MRPL1: variants seen among roughly 807,000 people sequenced by gnomAD.
The protein encoded by MRPL1 is mitochondrial ribosomal protein L1, also known as large ribosomal subunit protein uL1m.
Under a neutral mutation model 38.0 loss-of-function variants are expected in MRPL1, and 28 were observed. The observed-to-expected ratio is 0.74, with a 90% CI of 0.55 to 1.01. The LOEUF is 1.01. MRPL1 is among the 50% of genes least tolerant of loss of function. The pLI is 0.00. For missense variants in MRPL1, 358 were observed against 389.8 expected (o/e 0.92, Z 0.69); for synonymous variants, 123 against 126.7 (o/e 0.97, Z 0.20).
intron 1 of MRPL1, among the ~76,000 whole-genome samples, chr4:77,870,025 T>C (rs1322525427): frequency 1.3e-5 from 2 of 152,152 alleles, no homozygotes; most frequent in East Asian, 3.9e-4. Context: ...CTCAGCTTCC[T>C]GAGTAGCTGG....
chr4:77,943,944 G>A (rs1227193307), intron 7 of MRPL1, among the ~76,000 whole-genome samples: 1 of 152,102 alleles, frequency 6.6e-6, no homozygotes, highest in Non-Finnish European at 1.5e-5. Context: ...GATCTTTTAG[G>A]GGGATGTTTA....
chr4:77,887,728 A>G (rs1220237767), intron 5 of MRPL1, among the ~76,000 whole-genome samples: 1 of 152,114 alleles, frequency 6.6e-6, no homozygotes, highest in Non-Finnish European at 1.5e-5. Flanking sequence ...TTTGTTGCCC[A>G]GGCTGGTCTT....
At chr4:77,878,329 A>T (rs1339222608) in intron 2 of MRPL1, among the ~76,000 whole-genome samples, 2 of 152,194 alleles carry the variant, frequency 1.3e-5, no homozygotes, top group Non-Finnish European at 2.9e-5. Flanking sequence ...AGCATCAGAG[A>T]TGTTAGTGAA....
intron 7 of MRPL1, 115 bp from the exon 8 acceptor site, chr4:77,949,682 G>T (rs958065994): frequency 2.9e-5 from 18 of 616,990 alleles, no homozygotes; most frequent in African/African-American, 2.3e-4. Flanking sequence ...CCCTTTCACA[G>T]TAGGGTCATT....
intron 2 of MRPL1, among the ~76,000 whole-genome samples, chr4:77,882,223 C>A (rs2110234522): frequency 1.3e-5 from 2 of 152,232 alleles, no homozygotes; most frequent in South Asian, 4.1e-4. Flanking sequence ...CTTATAATAG[C>A]TTCCTTCTTA....
At chr4:77,949,979 AAAT>A in intron 8 of MRPL1, 101 bp downstream of exon 8, 1 of 555,434 alleles carries the variant, frequency 1.8e-6, no homozygotes, top group South Asian at 3.2e-5. Context: ...TATAATAGCA[AAAT>A]GTAAAATATT....
chr4:77,893,444 A>C (rs1735847923), intron 5 of MRPL1, among the ~76,000 whole-genome samples: 1 of 152,196 alleles, frequency 6.6e-6, no homozygotes, highest in Non-Finnish European at 1.5e-5. Context: ...GAGTATATTA[A>C]GTAGAGTTTA....
chr4:77,868,880 TACCTTGGTA>T (rs1735214839), intron 1 of MRPL1, among the ~76,000 whole-genome samples: 2 of 152,148 alleles, frequency 1.3e-5, no homozygotes, highest in African/African-American at 4.8e-5. Context: ...GCTCGTGGAG[TACCTTGGTA>T]AAAATTTCCT....
At chr4:77,903,175 A>G (rs1169546044) in intron 6 of MRPL1, among the ~76,000 whole-genome samples, 1 of 152,220 alleles carries the variant, frequency 6.6e-6, no homozygotes, top group Non-Finnish European at 1.5e-5. Flanking sequence ...TTAACCAGTG[A>G]CATTTATTCC....
At chr4:77,899,775 GGAAGAAAGAAAAT>G (rs1484942198) in intron 6 of MRPL1, among the ~76,000 whole-genome samples, 42 of 152,180 alleles carry the variant, frequency 2.8e-4, no homozygotes, top group Admixed American at 8.5e-4. Flanking sequence ...GAAAGTGAAA[GGAAGAAAGAAAAT>G]GAAGAAAGAA....
chr4:77,880,133 CTA>C (rs1735503168), intron 2 of MRPL1, among the ~76,000 whole-genome samples: 1 of 152,170 alleles, frequency 6.6e-6, no homozygotes, highest in African/African-American at 2.4e-5. Context: ...AGGCTTAAAA[CTA>C]TACAAGTTTT....
intron 7 of MRPL1, among the ~76,000 whole-genome samples, chr4:77,925,350 T>A (rs1468879721): frequency 6.6e-6 from 1 of 151,526 alleles, no homozygotes; most frequent in African/African-American, 2.4e-5. Context: ...TTTTTTGTTT[T>A]TTGTTTTTTT....
intron 3 of MRPL1, among the ~76,000 whole-genome samples, chr4:77,884,764 T>C (rs1007141270): frequency 6.6e-6 from 1 of 152,218 alleles, no homozygotes; most frequent in African/African-American, 2.4e-5. Context: ...ATATTGTCTA[T>C]TGTTCAGCAT....
At chr4:77,925,195 C>T (rs1453369029) in intron 7 of MRPL1, among the ~76,000 whole-genome samples, 3 of 151,822 alleles carry the variant, frequency 2.0e-5, no homozygotes, top group Non-Finnish European at 4.4e-5. Context: ...GCATGCATAG[C>T]CTGAGGCTAG....
intron 7 of MRPL1, among the ~76,000 whole-genome samples, chr4:77,937,156 G>A (rs1039467): frequency 0.15 from 22,410 of 151,730 alleles, 1,893 homozygotes; most frequent in South Asian, 0.25. Context: ...GAATTTAGTG[G>A]GTATAAACAT....
intron 6 of MRPL1, among the ~76,000 whole-genome samples, chr4:77,898,702 C>CCCATTTG (rs1329833506): frequency 6.6e-6 from 1 of 152,046 alleles, no homozygotes; most frequent in African/African-American, 2.4e-5. Flanking sequence ...CCATGTTGGC[C>CCCATTTG]AGGCTGGTCT....
At position 77,885,344 on chromosome 4, in the gene MRPL1, G is replaced by A. The variant is rs1735650409; in HGVS notation, c.486+5G>A. The A allele has an allele frequency of 3.7e-6, 6 of 1,601,668 alleles. No individual in the cohort carries two copies. Among genetic ancestry groups the A allele is most frequent in the Non-Finnish European group, 5.1e-6 (6 of 1,168,988 alleles). On this transcript the variant is annotated splice_donor_5th_base_variant and intron_variant, in intron 4 of 8. Coordinates refer to ENST00000315567, the MANE Select transcript of MRPL1 (RefSeq NM_020236.4). The stretch of plus-strand genomic sequence containing the variant: ...AAAGTTGCTGTATTTACAGAGGTGA[G>A]TAACTTCCGTCAACTATTTATATCA...
At position 77,894,201 on chromosome 4, in the gene MRPL1, T is replaced by C. The variant is rs1309460676; in HGVS notation, c.621T>C (p.Leu207=). 1.2e-6 allele frequency: 2 copies of C among 1,608,368 alleles called. No individual in the cohort carries two copies. Among genetic ancestry groups the C allele is most frequent in the Admixed American group, 3.4e-5 (2 of 59,210 alleles). ...CTGTTCCAGAAATAATGCCTGAACT[T>C]AATCGATTAAGGAAGAAACTGAATA... ...YVAVPEIMPE[L]NRLRKKLNKK... The change falls in exon 6 of 9, where the codon CTT becomes CTC. Residue 207 remains leucine, a synonymous_variant. Coordinates refer to ENST00000315567, the MANE Select transcript of MRPL1 (RefSeq NM_020236.4).
chr4:77,907,921 G>T (rs1198362599), intron 6 of MRPL1, among the ~76,000 whole-genome samples: 30 of 136,428 alleles, frequency 2.2e-4, no homozygotes, highest in Admixed American at 6.0e-4. Flanking sequence ...ACAGAGTCTT[G>T]CTCTGTTGCC....
Sources: gnomAD v4.1 joint callset for allele counts (sites outside exome capture counted in the v4.1 genomes callset) on GRCh38, gnomAD v4.1.1 for gene constraint, MANE v1.5 for transcripts, NCBI Gene and HGNC (gene_info 2026-07-23, HGNC 2026-07-21) for gene names.